ALMS1: variants seen among roughly 807,000 people sequenced by gnomAD.
The protein encoded by ALMS1 is centrosome-associated protein ALMS1.
Under a neutral mutation model 352.2 loss-of-function variants are expected in ALMS1, and 271 were observed. That is an observed-to-expected ratio of 0.77 (90% CI 0.70 to 0.85). ALMS1 has a LOEUF of 0.85. Among genes scored for constraint, ALMS1 ranks in the 40% least tolerant of loss-of-function variants. ALMS1 has a pLI of 0.00. For synonymous variants in ALMS1, 1,865 were observed against 1,761.2 expected (o/e 1.06, Z -1.48); for missense variants, 5,445 against 4,870.7 (o/e 1.12, Z -3.51).
chr2:73,452,567 G>A lies in ALMS1; in HGVS notation c.6040G>A (p.Ala2014Thr), dbSNP rs1261403056. 1 of 1,613,932 alleles carries A rather than the reference G, an allele frequency of 6.2e-7. No homozygotes were observed. The highest frequency in any genetic ancestry group is 1.1e-5 in the South Asian group (1 of 91,090). ...PDDQKTEFPA[A>T]TLSSYSQIEK... is the part of the protein sequence containing the mutation. ...TGACCAGAAAACTGAGTTTCCAGCA[G>A]CTACCCTTAGTTCCTACTCACAAAT... is the stretch of plus-strand genomic sequence containing the variant. Residue 2014 changes from alanine (A) to threonine (T), a missense_variant, in exon 8 of 23, where the codon GCT (alanine) becomes ACT (threonine). Transcript: ENST00000613296.
intron 15 of ALMS1, among the ~76,000 whole-genome samples, chr2:73,563,741 TAAAAATA>T (rs1309153896): frequency 2.2e-5 from 1 of 45,854 alleles, no homozygotes; most frequent in African/African-American, 2.9e-4. Flanking sequence ...AAAAAAAAAA[TAAAAATA>T]AAAAATGAAG....
At chr2:73,591,804 C>CTGAAAAAA (rs1675438886) in intron 16 of ALMS1, among the ~76,000 whole-genome samples, 1 of 152,176 alleles carries the variant, frequency 6.6e-6, no homozygotes, top group Admixed American at 6.5e-5. Flanking sequence ...TACTTCCAGG[C>CTGAAAAAA]TGTAGTTTTT....
intron 9 of ALMS1, among the ~76,000 whole-genome samples, chr2:73,465,281 A>G (rs1463347585): frequency 1.3e-5 from 2 of 151,792 alleles, no homozygotes; most frequent in African/African-American, 4.9e-5. Context: ...TACTGGTACC[A>G]AAACAGAGAT....
intron 3 of ALMS1, among the ~76,000 whole-genome samples, chr2:73,419,644 A>G (rs1671248034): frequency 6.6e-6 from 1 of 152,212 alleles, no homozygotes; most frequent in Non-Finnish European, 1.5e-5. Context: ...TATCTCAGCA[A>G]TGGAGACTCC....
chr2:73,499,411 C>G (rs1335599498), intron 10 of ALMS1, among the ~76,000 whole-genome samples: 2 of 152,094 alleles, frequency 1.3e-5, no homozygotes, highest in African/African-American at 4.8e-5. Context: ...GGGTATTGCT[C>G]AAGAAATTTT....
In ALMS1 at chr2:73,386,100, G is replaced by T; in HGVS notation, c.232G>T (p.Ala78Ser). 1 of 1,593,896 alleles carries T rather than the reference G, an allele frequency of 6.3e-7. No individual in the cohort carries two copies. Among genetic ancestry groups the T allele is most frequent in the Non-Finnish European group, 8.5e-7 (1 of 1,170,914 alleles). Residue 78 changes from alanine to serine, a missense_variant, in exon 1 of 23, where the codon GCC becomes TCC. By Grantham distance (99) the Ala-to-Ser change is moderately conservative (BLOSUM62 1). Transcript: ENST00000613296. The part of the protein sequence containing the change: ...IDDEEDEEAK[A>S]WLQAHPGRIL... The stretch of plus-strand genomic sequence containing the variant: ...CGACGAGGAGGACGAGGAGGCCAAG[G>T]CCTGGCTGCAGGCGCACCCCGGCAG...
chr2:73,556,433 T>G (rs776851501), intron 13 of ALMS1, among the ~76,000 whole-genome samples: 17 of 152,144 alleles, frequency 1.1e-4, no homozygotes, highest in Admixed American at 6.5e-4. Flanking sequence ...TAGACAAGTT[T>G]AAAAGGCTAT....
At chr2:73,586,979 A>C (rs754897247) in intron 16 of ALMS1, among the ~76,000 whole-genome samples, 7 of 151,518 alleles carry the variant, frequency 4.6e-5, no homozygotes, top group African/African-American at 1.7e-4. Context: ...TTGGTTAGGT[A>C]TATTCCTAAG....
chr2:73,400,846 G>A (rs984305582), intron 1 of ALMS1, among the ~76,000 whole-genome samples: 1 of 152,134 alleles, frequency 6.6e-6, no homozygotes, highest in South Asian at 2.1e-4. Context: ...GGAGTGCAAT[G>A]GCGCAGTCTC....
At chr2:73,547,858 T>C (rs1674353721) in intron 12 of ALMS1, among the ~76,000 whole-genome samples, 1 of 152,042 alleles carries the variant, frequency 6.6e-6, no homozygotes, top group South Asian at 2.1e-4. Flanking sequence ...GTACCAGAGA[T>C]GGTAGCATGA....
At chr2:73,497,909 T>C (rs1164514444) in intron 10 of ALMS1, among the ~76,000 whole-genome samples, 1 of 151,666 alleles carries the variant, frequency 6.6e-6, no homozygotes, top group African/African-American at 2.4e-5. Flanking sequence ...GTACATCTTG[T>C]TTGGGGTTTG....
intron 10 of ALMS1, among the ~76,000 whole-genome samples, chr2:73,503,527 T>C (rs552225222): frequency 2.6e-5 from 4 of 152,196 alleles, no homozygotes; most frequent in Non-Finnish European, 5.9e-5. Flanking sequence ...GTTCCAAGTC[T>C]TTGCTGTTGT....
At chr2:73,440,089 T>A (rs1671685777) in intron 7 of ALMS1, among the ~76,000 whole-genome samples, 1 of 152,160 alleles carries the variant, frequency 6.6e-6, no homozygotes, top group Non-Finnish European at 1.5e-5. Flanking sequence ...CACGCCATTC[T>A]CCTGCCTCAG....
chr2:73,589,536 C>T (rs1343244870), intron 16 of ALMS1, among the ~76,000 whole-genome samples: 1 of 152,168 alleles, frequency 6.6e-6, no homozygotes, highest in Non-Finnish European at 1.5e-5. Context: ...AAATATCTTT[C>T]AGGTTACATG....
chr2:73,449,137 C>G lies in ALMS1; in HGVS notation c.2610C>G (p.Phe870Leu), dbSNP rs765797801. 1.2e-6 allele frequency: 2 copies of G among 1,614,036 alleles called. No individual in the cohort carries two copies. Among genetic ancestry groups the G allele is most frequent in the Admixed American group, 1.7e-5 (1 of 59,990 alleles). Residue 870 changes from phenylalanine to leucine, a missense_variant, in exon 8 of 23, where the codon TTC (phenylalanine) becomes TTG (leucine). By Grantham distance (22) the Phe-to-Leu change is conservative. Transcript: ENST00000613296. ...CACTTGGAGAAAAGCCCAGTGCTTT[C>G]TATCAGCAGACCTTACCCAATAGTC... ...SSSLGEKPSA[F>L]YQQTLPNSHL...
intron 11 of ALMS1, among the ~76,000 whole-genome samples, chr2:73,527,354 C>CT: frequency 6.6e-6 from 1 of 150,608 alleles, no homozygotes; most frequent in Middle Eastern, 3.4e-3. Flanking sequence ...AGTATTAGTT[C>CT]TTCTTTAACT....
chr2:73,525,160 T>G (rs1188575491), intron 11 of ALMS1, among the ~76,000 whole-genome samples: 1 of 152,200 alleles, frequency 6.6e-6, no homozygotes, highest in Non-Finnish European at 1.5e-5. Context: ...ATAGATTAAT[T>G]TATCCATTAA....
intron 7 of ALMS1, among the ~76,000 whole-genome samples, chr2:73,441,939 A>G: frequency 6.6e-6 from 1 of 152,096 alleles, no homozygotes; most frequent in East Asian, 1.9e-4. Context: ...AAGTGAGGTA[A>G]AGATCTTTCT....
At chr2:73,430,732 T>C (rs1376852937) in intron 6 of ALMS1, among the ~76,000 whole-genome samples, 1 of 152,196 alleles carries the variant, frequency 6.6e-6, no homozygotes, top group Non-Finnish European at 1.5e-5. Context: ...CTGGAAGCAG[T>C]AGGCTAGACC....
Sources: allele counts gnomAD v4.1 joint callset (sites outside exome capture counted in the v4.1 genomes callset), GRCh38; gene constraint gnomAD v4.1.1; transcripts MANE v1.5; gene names NCBI Gene and HGNC (gene_info 2026-07-23, HGNC 2026-07-21).